VCP: variants seen among roughly 807,000 people sequenced by gnomAD.
The protein encoded by VCP is transitional endoplasmic reticulum ATPase.
A neutral mutation model predicts 85.7 loss-of-function variants in VCP; 6 were observed. The observed-to-expected ratio is 0.07, with a 90% CI of 0.04 to 0.14. The LOEUF is 0.14. Among genes scored for constraint, VCP ranks in the 10% least tolerant of loss-of-function variants. VCP has a pLI of 1.00. For missense variants in VCP, 353 were observed against 1,043.4 expected (o/e 0.34, Z 9.12); for synonymous variants, 384 against 367.1 (o/e 1.05, Z -0.53).
In VCP at chr9:35,072,619, T is replaced by G. The variant is rs927746079; in HGVS notation, c.-266A>C. ...CAAACGACGGTCGCAGACGCTTCGC[T>G]GAGACTGAGCCGAGAAGAGCCGAAT... On this transcript the variant is annotated 5_prime_UTR_variant, in exon 1 of 17. Coordinates refer to ENST00000358901, the MANE Select transcript of VCP (RefSeq NM_007126.5). 7.1e-5 allele frequency: 33 copies of G among 466,438 alleles called. No individual in the cohort carries two copies. The highest frequency in any genetic ancestry group is 1.2e-4 in the Non-Finnish European group (32 of 266,486). The allele number at this position is 466,438 out of a possible 1,614,324, so 28.9% of individuals were successfully genotyped here. A position where few individuals can be genotyped will look rare whatever the true frequency, so the allele number is the denominator to read the frequency against.
Position 35,059,038 on chromosome 9 carries a change from C to T in VCP, c.2160+26G>A. 1 of 1,613,258 alleles carries T rather than the reference C, an allele frequency of 6.2e-7. No individual in the cohort carries two copies. The highest frequency in any genetic ancestry group is 1.7e-4 in the Middle Eastern group (1 of 5,972). On this transcript the variant is annotated intron_variant, in intron 15 of 16. Coordinates refer to ENST00000358901, the MANE Select transcript of VCP (RefSeq NM_007126.5). The surrounding 1 kb of genome is among the most constrained non-coding windows in gnomAD (Gnocchi z 4.9). ...GCTGCCTGGCTCTCCATGATTGGCA[C>T]ATCTGGGGAAAGGATGCAGACTCAC... is the stretch of plus-strand genomic sequence containing the variant.
rs767762212 is a variant in VCP, at chr9:35,059,165, G to C, written c.2059C>G (p.Leu687Val). 6.2e-7 allele frequency: 1 copy of C among 1,614,084 alleles called. No individual in the cohort carries two copies. Among genetic ancestry groups the C allele is most frequent in the South Asian group, 1.1e-5 (1 of 91,080 alleles). ...CAAGCACGCTGGCAAATCTCTGTCA[G>C]GTCAGCTCCAGAGAAGCCATTAGTC... is the stretch of plus-strand genomic sequence containing the variant. ...KMTNGFSGAD[L>V]TEICQRACKL... The change falls in exon 15 of 17, where the codon CTG (leucine) becomes GTG (valine). Residue 687 changes from leucine to valine, a missense_variant. Physicochemically the swap from Leu to Val is conservative, Grantham distance 32 (BLOSUM62 1). Coordinates refer to ENST00000358901, the MANE Select transcript of VCP (RefSeq NM_007126.5). This position sits in a 1 kb window ranked among gnomAD's most constrained non-coding sequence, Gnocchi z 4.9.
intron 1 of VCP, 152 bp downstream of exon 1, chr9:35,072,185 C>A: frequency 7.0e-7 from 1 of 1,425,922 alleles, no homozygotes; most frequent in Non-Finnish European, 9.2e-7. Context: ...CCTGCCGGGT[C>A]CACGGCCCCT....
chr9:35,058,177 T>C (rs903888916), intron 15 of VCP, among the ~76,000 whole-genome samples: 1 of 152,210 alleles, frequency 6.6e-6, no homozygotes, highest in African/African-American at 2.4e-5. Flanking sequence ...CTGTGACTTA[T>C]GTGACTACCT....
intron 1 of VCP, among the ~76,000 whole-genome samples, chr9:35,069,342 G>A (rs1828893537): frequency 6.6e-6 from 1 of 151,026 alleles, no homozygotes; most frequent in Non-Finnish European, 1.5e-5. Flanking sequence ...TACACTCAGT[G>A]TTATTTCCTA....
intron 15 of VCP, among the ~76,000 whole-genome samples, chr9:35,058,534 G>A (rs1258343127): frequency 1.3e-5 from 2 of 152,126 alleles, no homozygotes; most frequent in African/African-American, 4.8e-5. Context: ...AGGCCGAGGT[G>A]GGCACATCAC....
chr9:35,072,007 G>A (rs1441243633), intron 1 of VCP: 1 of 1,128,710 alleles, frequency 8.9e-7, no homozygotes, highest in East Asian at 5.8e-5. Context: ...GCGCCGCGCC[G>A]GCGGAGTGGG....
At chr9:35,071,128 C>A (rs967079242) in intron 1 of VCP, among the ~76,000 whole-genome samples, 5 of 152,084 alleles carry the variant, frequency 3.3e-5, no homozygotes, top group Admixed American at 3.3e-4. Context: ...AGGCTGACTG[C>A]ATATAAACCA....
Position 35,065,241 on chromosome 9 carries a change from G to C in VCP, c.576+10C>G, listed in dbSNP as rs757728490. The C allele has an allele frequency of 1.2e-5, 19 of 1,614,018 alleles. No homozygotes were observed. Among genetic ancestry groups the C allele is most frequent in the Admixed American group, 1.7e-5 (1 of 60,000 alleles). ...TAAAATCGGATACTGGAATCAGGGA[G>C]AAAACTCACCTCTCGTTTGATAGGC... On this transcript the variant is annotated intron_variant, in intron 5 of 16. Transcript: ENST00000358901.
At chr9:35,061,524 A>G (rs1828720239) in intron 10 of VCP, 53 bp downstream of exon 10, 2 of 1,519,878 alleles carry the variant, frequency 1.3e-6, no homozygotes, top group East Asian at 2.3e-5. Context: ...GCCAGTTCCC[A>G]GCAACTGCCT....
intron 6 of VCP, among the ~76,000 whole-genome samples, chr9:35,063,915 A>ATG (rs767625394): frequency 2.0e-4 from 30 of 152,270 alleles, no homozygotes; most frequent in Middle Eastern, 3.4e-3. Flanking sequence ...CCATATATAT[A>ATG]TGTGTGTGTG....
chr9:35,060,205 G>T, intron 13 of VCP, 108 bp downstream of exon 13: 1 of 1,133,844 alleles, frequency 8.8e-7, no homozygotes, highest in Non-Finnish European at 1.3e-6. Flanking sequence ...GACTTACTGT[G>T]CAGTTGAGCA....
chr9:35,070,278 C>T (rs1027748492), intron 1 of VCP, among the ~76,000 whole-genome samples: 2 of 152,156 alleles, frequency 1.3e-5, no homozygotes, highest in African/African-American at 4.8e-5. Flanking sequence ...ACACTAGAGG[C>T]CAAGCATGCT....
chr9:35,059,655 T>C lies in VCP; in HGVS notation c.1842A>G (p.Lys614=), dbSNP rs1408830070. 1 of 1,614,150 alleles carries C rather than the reference T, an allele frequency of 6.2e-7. No homozygotes were observed. The highest frequency in any genetic ancestry group is 8.5e-7 in the Non-Finnish European group (1 of 1,180,008). ...ILTEMDGMST[K]KNVFIIGATN... The stretch of plus-strand genomic sequence containing the variant: ...TAGCGCCAATGATGAACACATTTTT[T>C]TTTGTGGACATGCCATCCATTTCTG... The change falls in exon 14 of 17, where the codon AAA becomes AAG. Residue 614 remains lysine, a synonymous_variant. Transcript: ENST00000358901. This position sits in a 1 kb window ranked among gnomAD's most constrained non-coding sequence, Gnocchi z 4.9.
chr9:35,068,751 T>C (rs1013543477), intron 1 of VCP, among the ~76,000 whole-genome samples: 6 of 152,230 alleles, frequency 3.9e-5, no homozygotes, highest in Non-Finnish European at 8.8e-5. Context: ...CCATTGGGTC[T>C]GAATTCCAAT....
At chr9:35,058,431 T>C (rs930580852) in intron 15 of VCP, among the ~76,000 whole-genome samples, 21 of 152,274 alleles carry the variant, frequency 1.4e-4, no homozygotes, top group African/African-American at 4.8e-4. Context: ...GTGGACCCTA[T>C]CCCTTCCCCA....
At chr9:35,066,394 T>C (rs1236945773) in intron 4 of VCP, among the ~76,000 whole-genome samples, 1 of 150,756 alleles carries the variant, frequency 6.6e-6, no homozygotes, top group African/African-American at 2.4e-5. Context: ...CCCAGGTAGC[T>C]GGGATTACAG....
chr9:35,067,963 C>A lies in VCP; in HGVS notation c.230G>T (p.Cys77Phe). ...ATTCATCCGAATCTTCTCATCAGAA[C>A]AAGTATCATCAGAAAGGACGATGCA... ...AVCIVLSDDT[C>F]SDEKIRMNRV... Residue 77 changes from cysteine (C) to phenylalanine (F), a missense_variant, in exon 3 of 17, where the codon TGT becomes TTT. Transcript: ENST00000358901. 1.2e-6 allele frequency: 2 copies of A among 1,614,240 alleles called. No individual in the cohort carries two copies. The highest frequency in any genetic ancestry group is 1.1e-5 in the South Asian group (1 of 91,088).
Position 35,059,754 on chromosome 9 carries a change from C to A in VCP, c.1743G>T (p.Ser581=). The A allele has an allele frequency of 6.2e-7, 1 of 1,614,098 alleles. No individual in the cohort carries two copies. The highest frequency in any genetic ancestry group is 1.7e-5 in the Admixed American group (1 of 60,016). Residue 581 remains serine, a synonymous_variant, in exon 14 of 17, where the codon TCG becomes TCT. Coordinates refer to ENST00000358901, the MANE Select transcript of VCP (RefSeq NM_007126.5). The surrounding 1 kb of genome is among the most constrained non-coding windows in gnomAD (Gnocchi z 4.9). The part of the protein sequence containing the change: ...PCVLFFDELD[S]IAKARGGNIG... ...TGTTACCTCCACGAGCCTTGGCAAT[C>A]GAATCCAGCTCATCAAAGAATAGCA...
Sources: allele counts gnomAD v4.1 joint callset (sites outside exome capture counted in the v4.1 genomes callset), GRCh38; gene constraint gnomAD v4.1.1; non-coding constraint Gnocchi (gnomAD v3.1); transcripts MANE v1.5; gene names NCBI Gene and HGNC (gene_info 2026-07-23, HGNC 2026-07-21).